DSCAML1: variants seen among roughly 807,000 people sequenced by gnomAD.
DSCAML1 encodes DS cell adhesion molecule like 1.
A neutral mutation model predicts 200.5 loss-of-function variants in DSCAML1; 38 were observed. That is an observed-to-expected ratio of 0.19 (90% CI 0.15 to 0.25). The LOEUF (loss-of-function observed/expected upper bound fraction) is 0.25, where lower values mean the gene tolerates loss of function less well. Ranked by LOEUF, DSCAML1 falls within the 10% of genes least tolerant of loss-of-function variation. DSCAML1 has a pLI of 1.00. For missense variants in DSCAML1, 2,223 were observed against 2,858.8 expected, an observed-to-expected ratio of 0.78 and a Z score of 5.07; for synonymous variants, 1,215 against 1,165.0, an observed-to-expected ratio of 1.04 and a Z score of -0.87.
intron 3 of DSCAML1, among the ~76,000 whole-genome samples, chr11:117,689,203 GA>G (rs953848676): frequency 2.6e-5 from 4 of 152,244 alleles, no homozygotes; most frequent in African/African-American, 9.6e-5. Flanking sequence ...GTTCTAGACA[GA>G]AACGTTTAAG....
In DSCAML1 at chr11:117,430,772, G is replaced by T. The variant is rs780074864; in HGVS notation, c.5636C>A (p.Ala1879Glu). 2 of 1,614,018 alleles carry T rather than the reference G, an allele frequency of 1.2e-6. No individual in the cohort carries two copies. Among genetic ancestry groups the T allele is most frequent in the East Asian group, 2.2e-5 (1 of 44,890 alleles). Residue 1879 changes from alanine (A) to glutamate (E), a missense_variant, in exon 32 of 33, where the codon GCG becomes GAG. This residue lies in a region of DSCAML1 where 96 missense variants were observed against 160.7 expected (regional missense o/e 0.60). Transcript: ENST00000651296. ...CACAGCCACGTTTTTGCCCCGGTCC[G>T]CATCCTGGGGCTTGGGTGGTGAGGC... ...FTASPPKPQD[A>E]DRGKNVAVPI...
At chr11:117,677,739 T>C (rs919377303) in intron 3 of DSCAML1, among the ~76,000 whole-genome samples, 6 of 152,194 alleles carry the variant, frequency 3.9e-5, no homozygotes, top group Non-Finnish European at 7.3e-5. Flanking sequence ...AGGACAGATA[T>C]GCTAACAAAA....
chr11:117,603,499 C>A (rs1183712002), intron 3 of DSCAML1, among the ~76,000 whole-genome samples: 1 of 152,194 alleles, frequency 6.6e-6, no homozygotes, highest in African/African-American at 2.4e-5. Flanking sequence ...AGTGAACTAC[C>A]TATGCCAAAG....
At chr11:117,786,744 G>A (rs1282751258) in intron 1 of DSCAML1, among the ~76,000 whole-genome samples, 1 of 152,126 alleles carries the variant, frequency 6.6e-6, no homozygotes, top group African/African-American at 2.4e-5. Context: ...CCTCCACTGG[G>A]AGATGAGTCA....
chr11:117,724,856 T>C (rs1341647911), intron 3 of DSCAML1, among the ~76,000 whole-genome samples: 1 of 152,128 alleles, frequency 6.6e-6, no homozygotes, highest in Non-Finnish European at 1.5e-5. Flanking sequence ...ATGTCAACCA[T>C]CATCCACTAC....
At chr11:117,707,325 T>G (rs1224915745) in intron 3 of DSCAML1, among the ~76,000 whole-genome samples, 1 of 152,208 alleles carries the variant, frequency 6.6e-6, no homozygotes, top group Admixed American at 6.5e-5. Context: ...ATCAGTTTCC[T>G]GGCTCCCAAA....
At chr11:117,494,524 G>T (rs745576301) in intron 11 of DSCAML1, among the ~76,000 whole-genome samples, 1 of 152,226 alleles carries the variant, frequency 6.6e-6, no homozygotes, top group Admixed American at 6.5e-5. Flanking sequence ...GAGCATGTCA[G>T]TTTCAGATGC....
chr11:117,444,125 G>T, intron 20 of DSCAML1, 86 bp from the exon 21 acceptor site: 1 of 1,468,950 alleles, frequency 6.8e-7, no homozygotes. Context: ...GGGCTCAGAG[G>T]AGAGGATGGC....
At chr11:117,776,064 A>C (rs2055124548) in intron 3 of DSCAML1, among the ~76,000 whole-genome samples, 1 of 152,124 alleles carries the variant, frequency 6.6e-6, no homozygotes, top group African/African-American at 2.4e-5. Context: ...CAGTTTTGTA[A>C]ATGGAGGCCT....
At chr11:117,791,154 C>T (rs2055458635) in intron 1 of DSCAML1, among the ~76,000 whole-genome samples, 1 of 152,110 alleles carries the variant, frequency 6.6e-6, no homozygotes, top group Non-Finnish European at 1.5e-5. Context: ...GGCTGTGGAG[C>T]CCACAGCCTC....
intron 4 of DSCAML1, among the ~76,000 whole-genome samples, chr11:117,528,650 C>T (rs114877060): frequency 1.6e-3 from 238 of 152,292 alleles, no homozygotes; most frequent in African/African-American, 5.2e-3. Context: ...ATGGCTTCTG[C>T]ACCTGGCTCT....
intron 16 of DSCAML1, among the ~76,000 whole-genome samples, chr11:117,465,738 C>T (rs1349482136): frequency 3.0e-5 from 4 of 132,762 alleles, no homozygotes; most frequent in Admixed American, 2.3e-4. Context: ...GCCCTCAATA[C>T]ATATTGAATG....
At chr11:117,532,759 T>C (rs572643496) in intron 3 of DSCAML1, among the ~76,000 whole-genome samples, 1 of 152,288 alleles carries the variant, frequency 6.6e-6, no homozygotes, top group South Asian at 2.1e-4. Context: ...CTGTGTGACC[T>C]TGGGAAAGTT....
intron 3 of DSCAML1, among the ~76,000 whole-genome samples, chr11:117,547,798 AT>A (rs1363064551): frequency 6.6e-5 from 10 of 152,088 alleles, no homozygotes; most frequent in South Asian, 2.1e-4. Context: ...GTGGCTTCCT[AT>A]TTTTCTCAGG....
intron 3 of DSCAML1, among the ~76,000 whole-genome samples, chr11:117,745,649 G>A (rs143706527): frequency 2.6e-5 from 4 of 152,296 alleles, no homozygotes; most frequent in Non-Finnish European, 4.4e-5. Context: ...ATCCTCCTCC[G>A]GAATGGCTCC....
intron 3 of DSCAML1, among the ~76,000 whole-genome samples, chr11:117,550,449 C>T (rs992694956): frequency 6.6e-6 from 1 of 152,188 alleles, no homozygotes; most frequent in African/African-American, 2.4e-5. Flanking sequence ...AGCCCAGTGT[C>T]TGGCCTGAAA....
At chr11:117,741,713 A>T (rs1346479920) in intron 3 of DSCAML1, among the ~76,000 whole-genome samples, 1 of 152,188 alleles carries the variant, frequency 6.6e-6, no homozygotes, top group African/African-American at 2.4e-5. Flanking sequence ...GTGTTAAAGC[A>T]TGTCCAGCTT....
intron 1 of DSCAML1, among the ~76,000 whole-genome samples, chr11:117,814,835 C>A (rs746719218): frequency 6.6e-6 from 1 of 152,200 alleles, no homozygotes; most frequent in Non-Finnish European, 1.5e-5. Context: ...CGGGTGTCTG[C>A]GGCCTCCAGG....
intron 3 of DSCAML1, among the ~76,000 whole-genome samples, chr11:117,693,501 C>G (rs774247616): frequency 1.3e-5 from 2 of 152,154 alleles, no homozygotes; most frequent in East Asian, 1.9e-4. Flanking sequence ...TGCACCCCCC[C>G]ATTTGACATC....
Sources: allele counts gnomAD v4.1 joint callset (sites outside exome capture counted in the v4.1 genomes callset), GRCh38; gene constraint gnomAD v4.1.1; regional missense constraint gnomAD v4.1.1; transcripts MANE v1.5; gene names NCBI Gene and HGNC (gene_info 2026-07-23, HGNC 2026-07-21).